The following ZNF469 variants were observed in gnomAD, a reference collection of about 807,000 sequenced individuals.
ZNF469 encodes zinc finger protein 469.
ZNF469 carries 1 observed loss-of-function variant against 1.0 expected under a neutral mutation model. The ratio of observed to expected loss-of-function variants is 1.00; its 90% CI spans 0.35 to 4.73. ZNF469 has a LOEUF of 4.73. Ranked by LOEUF, ZNF469 falls within the 30% of genes most tolerant of loss-of-function variation. ZNF469 has a pLI of 0.16. For missense variants in ZNF469, 6,100 were observed against 5,356.3 expected (o/e 1.14, Z -4.33); for synonymous variants, 2,703 against 2,363.4 (o/e 1.14, Z -4.17).
chr16:88,268,777 G>T, the ZNF469 span, among the ~76,000 whole-genome samples: 2 of 152,192 alleles, frequency 1.3e-5, no homozygotes, highest in African/African-American at 4.8e-5. Flanking sequence ...AGGTAAGCCT[G>T]GGAGGGTGCC....
chr16:88,355,279 C>T, the ZNF469 span, among the ~76,000 whole-genome samples: 1 of 152,224 alleles, frequency 6.6e-6, no homozygotes, highest in Non-Finnish European at 1.5e-5. Flanking sequence ...ATCCTAATCC[C>T]AGCAGCATGA....
the ZNF469 span, among the ~76,000 whole-genome samples, chr16:88,341,269 G>A: frequency 6.6e-6 from 1 of 152,186 alleles, no homozygotes; most frequent in African/African-American, 2.4e-5. Flanking sequence ...CTGGGGGCCT[G>A]TACAGGGCCA....
At chr16:88,124,484 A>C in the ZNF469 span, among the ~76,000 whole-genome samples, 2 of 152,170 alleles carry the variant, frequency 1.3e-5, no homozygotes, top group African/African-American at 4.8e-5. Context: ...CAACTTCCCA[A>C]AGTGCTGGGA....
the ZNF469 span, among the ~76,000 whole-genome samples, chr16:88,200,744 G>C: frequency 0.011 from 1,622 of 152,370 alleles, 40 homozygotes; most frequent in African/African-American, 0.036. Flanking sequence ...ACTTTGCAGA[G>C]GAATTCCAAT....
At chr16:88,128,066 T>A in the ZNF469 span, among the ~76,000 whole-genome samples, 1 of 152,170 alleles carries the variant, frequency 6.6e-6, no homozygotes, top group Non-Finnish European at 1.5e-5. Flanking sequence ...CACCGGCCTC[T>A]AGTCTGTGTG....
the ZNF469 span, among the ~76,000 whole-genome samples, chr16:88,322,048 A>G: frequency 6.6e-6 from 1 of 152,236 alleles, no homozygotes; most frequent in African/African-American, 2.4e-5. Flanking sequence ...GAGAGGCCTC[A>G]CTATTGGAAA....
chr16:88,235,551 G>T, the ZNF469 span, among the ~76,000 whole-genome samples: 1 of 152,220 alleles, frequency 6.6e-6, no homozygotes, highest in African/African-American at 2.4e-5. Context: ...ACTGTATCAG[G>T]GGTTTTCAGT....
chr16:88,109,095 C>T, the ZNF469 span, among the ~76,000 whole-genome samples: 14 of 152,204 alleles, frequency 9.2e-5, no homozygotes, highest in Non-Finnish European at 1.6e-4. Context: ...CCAGGGTTGT[C>T]GACGGCTCAT....
intron 1 of ZNF469, among the ~76,000 whole-genome samples, chr16:88,387,144 C>T (rs182464327): frequency 1.1e-3 from 171 of 152,332 alleles, no homozygotes; most frequent in African/African-American, 3.9e-3. Flanking sequence ...CAGAGACCCG[C>T]GGCAGCCCTG....
chr16:88,385,625 AGAGT>A (rs2092535256), intron 1 of ZNF469, among the ~76,000 whole-genome samples: 1 of 146,540 alleles, frequency 6.8e-6, no homozygotes, highest in Admixed American at 6.8e-5. Context: ...CCTGCGTGAT[AGAGT>A]GAGACTCTGT....
the ZNF469 span, among the ~76,000 whole-genome samples, chr16:88,204,222 G>T: frequency 0.2 from 30,290 of 149,154 alleles, 2,978 homozygotes; most frequent in East Asian, 0.29. Context: ...AGCGGGAGGC[G>T]CCCCGTAACC....
Position 88,428,831 on chromosome 16 carries a change from GC to G in ZNF469, c.1366del (p.Leu456TrpfsTer46), listed in dbSNP as rs1905898765. On this transcript the variant is annotated frameshift_variant, in exon 3 of 3. Coordinates refer to ENST00000565624, the MANE Select transcript of ZNF469 (RefSeq NM_001367624.2). LOFTEE classifies it low-confidence loss of function (END_TRUNC). ...TAAPYPTPPGGPLAATRSMFF... is the reference protein window; with the variant it reads ...TAAPYPTPPGXPLAATRSMFF... Reference sequence around the variant, plus strand: ...GCCCCTTACCCCACACCTCCTGGGGGCCCCCTGGCTGCCACCAGGAGTATGT... The same window carrying G: ...GCCCCTTACCCCACACCTCCTGGGGGCCCCTGGCTGCCACCAGGAGTATGT... 2 of 1,547,644 alleles carry G rather than the reference GC, an allele frequency of 1.3e-6. No individual in the cohort carries two copies. Among genetic ancestry groups the G allele is most frequent in the Non-Finnish European group, 8.7e-7 (1 of 1,146,122 alleles).
At chr16:88,147,870 G>A in the ZNF469 span, among the ~76,000 whole-genome samples, 2 of 152,162 alleles carry the variant, frequency 1.3e-5, no homozygotes, top group Non-Finnish European at 2.9e-5. Context: ...AGAAACCACA[G>A]CCTATGGAAG....
chr16:88,253,923 C>G, the ZNF469 span, among the ~76,000 whole-genome samples: 4 of 152,056 alleles, frequency 2.6e-5, no homozygotes, highest in East Asian at 7.7e-4. Context: ...CAGTTCCATG[C>G]CAAATCTACA....
Position 88,428,853 on chromosome 16 carries a change from T to C in ZNF469, c.1383T>C (p.Ser461=). 6.5e-7 allele frequency: 1 copy of C among 1,547,478 alleles called. No homozygotes were observed. Among genetic ancestry groups the C allele is most frequent in the South Asian group, 1.2e-5 (1 of 84,008 alleles). ...GGGGCCCCCTGGCTGCCACCAGGAG[T>C]ATGTTCTTTAACGGCCAGCCCAGCC... ...PPGGPLAATR[S]MFFNGQPSPG... Residue 461 remains serine (S), a synonymous_variant, in exon 3 of 3, where the codon AGT becomes AGC. Transcript: ENST00000565624.
the ZNF469 span, among the ~76,000 whole-genome samples, chr16:88,153,472 C>T: frequency 2.0e-3 from 302 of 152,368 alleles, no homozygotes; most frequent in Non-Finnish European, 3.1e-3. Context: ...AGAATTTACC[C>T]ATTGCCCTGA....
upstream of ZNF469, among the ~76,000 whole-genome samples, chr16:88,380,492 C>G (rs1304607917): frequency 2.0e-5 from 3 of 146,498 alleles, no homozygotes; most frequent in Admixed American, 6.9e-5. Flanking sequence ...CGTGCACACA[C>G]ACATGCACTC....
chr16:88,202,276 A>G, the ZNF469 span, among the ~76,000 whole-genome samples: 65,359 of 152,156 alleles, frequency 0.43, 15,552 homozygotes, highest in South Asian at 0.56. Context: ...CATTTTCCAC[A>G]TACAGAAGTG....
At chr16:88,263,479 G>C in the ZNF469 span, among the ~76,000 whole-genome samples, 2 of 152,184 alleles carry the variant, frequency 1.3e-5, no homozygotes, top group Admixed American at 6.5e-5. Context: ...CTGTGCCAAC[G>C]TGTGCGGGGC....
Sources: allele counts gnomAD v4.1 joint callset (sites outside exome capture counted in the v4.1 genomes callset), GRCh38; gene constraint gnomAD v4.1.1; transcripts MANE v1.5; gene names NCBI Gene and HGNC (gene_info 2026-07-23, HGNC 2026-07-21).